Variants in CNOT4 observed in about 807,000 individuals in gnomAD.
CNOT4 encodes CCR4-NOT transcription complex subunit 4, also known as CCR4-associated factor 4.
In CNOT4, 8 loss-of-function variants were observed where a neutral mutation model predicts 73.8. The ratio of observed to expected loss-of-function variants is 0.11; its 90% CI spans 0.06 to 0.20. The LOEUF (loss-of-function observed/expected upper bound fraction) is 0.20, where lower values mean the gene tolerates loss of function less well. Ranked by LOEUF, CNOT4 falls within the 10% of genes least tolerant of loss-of-function variation. CNOT4 has a pLI of 1.00. For synonymous variants in CNOT4, 293 were observed against 321.1 expected (o/e 0.91, Z 0.94); for missense variants, 564 against 883.4 (o/e 0.64, Z 4.58).
chr7:135,408,932 AT>A, intron 7 of CNOT4, among the ~76,000 whole-genome samples: 1 of 152,188 alleles, frequency 6.6e-6, no homozygotes, highest in Non-Finnish European at 1.5e-5. Flanking sequence ...TGTTTATTTT[AT>A]TCTGTATGCT....
chr7:135,502,385 G>A (rs1804037574), intron 1 of CNOT4, among the ~76,000 whole-genome samples: 1 of 152,168 alleles, frequency 6.6e-6, no homozygotes, highest in African/African-American at 2.4e-5. Context: ...CATACTACAT[G>A]TAGCACACAT....
chr7:135,373,315 C>T (rs1268597948), intron 10 of CNOT4, among the ~76,000 whole-genome samples: 1 of 152,164 alleles, frequency 6.6e-6, no homozygotes, highest in East Asian at 1.9e-4. Context: ...CATTTTGCTT[C>T]CTTCTATCTT....
intron 1 of CNOT4, among the ~76,000 whole-genome samples, chr7:135,482,881 G>A (rs111525281): frequency 6.6e-6 from 1 of 151,374 alleles, no homozygotes; most frequent in Non-Finnish European, 1.5e-5. Flanking sequence ...AGCTACTCAG[G>A]AGGCTGAAGC....
chr7:135,382,333 G>A (rs1795892871), intron 10 of CNOT4, among the ~76,000 whole-genome samples: 1 of 152,130 alleles, frequency 6.6e-6, no homozygotes, highest in Admixed American at 6.5e-5. Context: ...ATGTTAGGTG[G>A]CTCGATTACA....
At chr7:135,384,594 T>A (rs2129483018) in intron 10 of CNOT4, 1 of 748,580 alleles carries the variant, frequency 1.3e-6, no homozygotes, top group East Asian at 2.5e-5. Context: ...CACCCACCTC[T>A]CTTAAGCTAT....
intron 1 of CNOT4, among the ~76,000 whole-genome samples, chr7:135,493,900 T>G (rs1803275918): frequency 6.6e-6 from 1 of 151,808 alleles, no homozygotes; most frequent in African/African-American, 2.4e-5. Flanking sequence ...AATAAGGAGG[T>G]TAGAATAGTG....
chr7:135,494,368 G>A (rs1346895766), intron 1 of CNOT4, among the ~76,000 whole-genome samples: 1 of 151,310 alleles, frequency 6.6e-6, no homozygotes, highest in Non-Finnish European at 1.5e-5. Flanking sequence ...TACTCGGGAG[G>A]CTGAGACAGG....
At position 135,362,806 on chromosome 7, in the gene CNOT4, G is replaced by A. The variant is rs551888810; in HGVS notation, c.*79C>T. 1 of 1,268,162 alleles carries A rather than the reference G, an allele frequency of 7.9e-7. No individual in the cohort carries two copies. Among genetic ancestry groups the A allele is most frequent in the Non-Finnish European group, 1.2e-6 (1 of 864,906 alleles). 78.6% of individuals were successfully genotyped at this position (1,268,162 alleles called of 1,614,324 possible). ...TCTTCAGAACATAAGAGATGAGAAGGGAGCTGTGGGTGGTGGGCTGAGAGG... is the reference window on the plus strand; with the variant it reads ...TCTTCAGAACATAAGAGATGAGAAGAGAGCTGTGGGTGGTGGGCTGAGAGG... On this transcript the variant is annotated 3_prime_UTR_variant, in exon 12 of 12. Transcript: ENST00000541284.
In CNOT4 at chr7:135,436,017, C is replaced by CT. The variant is rs200820015; in HGVS notation, c.174+2140dup. Among the ~76,000 whole-genome samples the CT allele has an allele frequency of 3.7e-3, 531 of 144,942 alleles. 12 individuals carry two copies. The East Asian group carries it at 0.055, about 15-fold the overall frequency. On this transcript the variant is annotated intron_variant, in intron 2 of 11. Coordinates refer to ENST00000541284, the MANE Select transcript of CNOT4 (RefSeq NM_001190850.2). ...CTAGGATCCTGAAGCACTCCCATTC[C>CT]TTTTTTTTTTTTAAGCAGTTTTCTC...
chr7:135,395,629 T>C lies in CNOT4; in HGVS notation c.1129+5A>G, dbSNP rs1182075050. 5 of 1,613,048 alleles carry C rather than the reference T, an allele frequency of 3.1e-6. No individual in the cohort carries two copies. The highest frequency in any genetic ancestry group is 4.2e-6 in the Non-Finnish European group (5 of 1,179,370). ...TTACTAATACTTGGTACTATTGTTATATACCTGATGTGAAGAGGCTCTGTG... is the reference window on the plus strand; with the variant it reads ...TTACTAATACTTGGTACTATTGTTACATACCTGATGTGAAGAGGCTCTGTG... On this transcript the variant is annotated splice_donor_5th_base_variant and intron_variant, in intron 9 of 11. Transcript: ENST00000541284.
At chr7:135,365,985 T>G (rs560740254) in intron 10 of CNOT4, among the ~76,000 whole-genome samples, 62 of 152,274 alleles carry the variant, frequency 4.1e-4, no homozygotes, top group African/African-American at 1.4e-3. Flanking sequence ...CTGAATAACT[T>G]AAAATAGCTT....
At chr7:135,381,689 C>T (rs185898826) in intron 10 of CNOT4, among the ~76,000 whole-genome samples, 1 of 152,284 alleles carries the variant, frequency 6.6e-6, no homozygotes, top group African/African-American at 2.4e-5. Context: ...GAGTAGGTTA[C>T]TTATTCTGCT....
intron 1 of CNOT4, among the ~76,000 whole-genome samples, chr7:135,485,134 A>G (rs111638610): frequency 0.022 from 3,418 of 152,236 alleles, 127 homozygotes; most frequent in African/African-American, 0.07. Context: ...GTGCAGTGGC[A>G]CGATCTTGGC....
intron 10 of CNOT4, among the ~76,000 whole-genome samples, chr7:135,366,472 G>A (rs150527908): frequency 1.5e-3 from 221 of 152,294 alleles, no homozygotes; most frequent in African/African-American, 5.1e-3. Flanking sequence ...TCAAGCAAGG[G>A]TATGTTAGCC....
intron 10 of CNOT4, among the ~76,000 whole-genome samples, chr7:135,374,485 A>G (rs573332616): frequency 1.9e-4 from 29 of 152,358 alleles, no homozygotes; most frequent in Middle Eastern, 3.4e-3. Flanking sequence ...ATACTGAGTC[A>G]GCCTAAAAGT....
intron 10 of CNOT4, among the ~76,000 whole-genome samples, chr7:135,380,118 A>C (rs988600376): frequency 6.6e-6 from 1 of 151,714 alleles, no homozygotes; most frequent in African/African-American, 2.4e-5. Context: ...AACTTCCTTG[A>C]TTGGGGAAAA....
intron 10 of CNOT4, among the ~76,000 whole-genome samples, chr7:135,390,088 C>A (rs955004948): frequency 6.6e-6 from 1 of 151,980 alleles, no homozygotes; most frequent in Admixed American, 6.6e-5. Flanking sequence ...GGCCATATAC[C>A]CCTGAGCTGG....
At chr7:135,385,714 C>T (rs1162700128) in intron 10 of CNOT4, among the ~76,000 whole-genome samples, 1 of 152,098 alleles carries the variant, frequency 6.6e-6, no homozygotes, top group African/African-American at 2.4e-5. Context: ...TTGCCACTGT[C>T]GGAGCAGTTA....
chr7:135,450,713 T>A (rs1341602124), intron 1 of CNOT4, among the ~76,000 whole-genome samples: 2 of 152,190 alleles, frequency 1.3e-5, no homozygotes, highest in Non-Finnish European at 2.9e-5. Flanking sequence ...GTAAACTGAA[T>A]CACACATTTC....
Sources: allele counts gnomAD v4.1 joint callset (sites outside exome capture counted in the v4.1 genomes callset), GRCh38; gene constraint gnomAD v4.1.1; transcripts MANE v1.5; gene names NCBI Gene and HGNC (gene_info 2026-07-23, HGNC 2026-07-21).